The following ATXN7L1 variants were observed in gnomAD, a reference collection of about 807,000 sequenced individuals.
ATXN7L1 encodes the protein ataxin-7-like protein 1.
ATXN7L1 carries 15 observed loss-of-function variants against 70.8 expected under a neutral mutation model. That is an observed-to-expected ratio of 0.21 (90% CI 0.14 to 0.33). The LOEUF is 0.33. Among genes scored for constraint, ATXN7L1 ranks in the 10% least tolerant of loss-of-function variants. The pLI, the probability that ATXN7L1 is intolerant of heterozygous loss-of-function variation, is 1.00. For missense variants in ATXN7L1, 975 were observed against 1,097.1 expected (o/e 0.89, Z 1.57); for synonymous variants, 440 against 445.1 (o/e 0.99, Z 0.14).
chr7:105,771,028 C>T (rs527736005), intron 3 of ATXN7L1, among the ~76,000 whole-genome samples: 2 of 151,994 alleles, frequency 1.3e-5, no homozygotes, highest in South Asian at 2.1e-4. Flanking sequence ...GGTGACATCC[C>T]GTCTCTACTA....
At position 105,620,326 on chromosome 7, in the gene ATXN7L1, G is replaced by A; in HGVS notation, c.1396-5C>T. The A allele has an allele frequency of 1.3e-6, 2 of 1,532,432 alleles. No homozygotes were observed. The highest frequency in any genetic ancestry group is 1.8e-6 in the Non-Finnish European group (2 of 1,141,016). The allele number at this position is 1,532,432 out of a possible 1,614,324, so 94.9% of individuals were successfully genotyped here. A position where few individuals can be genotyped will look rare whatever the true frequency, so the allele number is the denominator to read the frequency against. On this transcript the variant is annotated splice_region_variant and splice_polypyrimidine_tract_variant and intron_variant, in intron 8 of 11. Coordinates refer to ENST00000419735, the MANE Select transcript of ATXN7L1 (RefSeq NM_020725.2). ...GCGACTCCCAAATGAGCAAAACTGT[G>A]AGGAAAAAAAAATTTTAATTTTGAT... is the stretch of plus-strand genomic sequence containing the variant.
chr7:105,735,481 G>A (rs893373540), intron 3 of ATXN7L1, among the ~76,000 whole-genome samples: 2 of 152,140 alleles, frequency 1.3e-5, no homozygotes, highest in East Asian at 1.9e-4. Context: ...AGACCTTTGC[G>A]ATGAGATCTT....
At chr7:105,760,299 T>C in intron 3 of ATXN7L1, 1 of 940,374 alleles carries the variant, frequency 1.1e-6, no homozygotes, top group Non-Finnish European at 1.3e-6. Flanking sequence ...CATATATTAT[T>C]TAATTAAATT....
At chr7:105,642,775 G>A (rs112748194) in intron 5 of ATXN7L1, 63 bp downstream of exon 5, 28,682 of 1,475,486 alleles carry the variant, frequency 0.019, 319 homozygotes, top group Non-Finnish European at 0.023. Context: ...TCACTCCTTC[G>A]TTATGGCTGC....
intron 3 of ATXN7L1, among the ~76,000 whole-genome samples, chr7:105,714,856 G>T (rs112158004): frequency 0.017 from 2,569 of 152,120 alleles, 32 homozygotes; most frequent in Middle Eastern, 0.051. Context: ...AGAGACGGGG[G>T]TTTCCACCAT....
intron 3 of ATXN7L1, among the ~76,000 whole-genome samples, chr7:105,704,591 T>C (rs79120074): frequency 5.1e-5 from 7 of 138,426 alleles, no homozygotes; most frequent in Admixed American, 2.8e-4. Flanking sequence ...TCTCTTTTTT[T>C]TTTTTTTTTT....
intron 2 of ATXN7L1, among the ~76,000 whole-genome samples, chr7:105,806,624 AAC>A (rs2116529202): frequency 6.6e-6 from 1 of 152,252 alleles, no homozygotes; most frequent in African/African-American, 2.4e-5. Flanking sequence ...CTCCCTGTGA[AAC>A]AGTGTTGTCT....
chr7:105,803,433 G>A (rs555158552), intron 2 of ATXN7L1, among the ~76,000 whole-genome samples: 2 of 152,360 alleles, frequency 1.3e-5, no homozygotes, highest in East Asian at 3.9e-4. Flanking sequence ...GACGGCTCCA[G>A]CCCTGGCTGC....
chr7:105,803,266 A>G (rs1807084922), intron 2 of ATXN7L1, among the ~76,000 whole-genome samples: 1 of 152,230 alleles, frequency 6.6e-6, no homozygotes, highest in Non-Finnish European at 1.5e-5. Flanking sequence ...GCATCCATGC[A>G]TCCACACCAC....
intron 3 of ATXN7L1, among the ~76,000 whole-genome samples, chr7:105,767,682 A>G (rs1286029547): frequency 6.6e-6 from 1 of 152,248 alleles, no homozygotes; most frequent in Non-Finnish European, 1.5e-5. Context: ...TGAGGCACAG[A>G]GAGATGAGGA....
rs554237712 is a variant in ATXN7L1, at chr7:105,743,585, C to G, written c.355+45019G>C. Among the ~76,000 whole-genome samples, 39 of 152,240 alleles carry G rather than the reference C, an allele frequency of 2.6e-4. No homozygotes were observed. The East Asian group carries it at 7.5e-3, about 29-fold the overall frequency. ...GCGACACTGAGAAAGCAGATATGAT[C>G]GCTTTAGAAGTCCGTGACTATGCTG... On this transcript the variant is annotated intron_variant, in intron 3 of 11. Coordinates refer to ENST00000419735, the MANE Select transcript of ATXN7L1 (RefSeq NM_020725.2).
chr7:105,768,717 A>G (rs1801597212), intron 3 of ATXN7L1, among the ~76,000 whole-genome samples: 1 of 152,260 alleles, frequency 6.6e-6, no homozygotes, highest in Admixed American at 6.5e-5. Context: ...TGGCCAAGCA[A>G]TGAAAGGGTA....
intron 2 of ATXN7L1, among the ~76,000 whole-genome samples, chr7:105,829,258 C>A (rs1355505997): frequency 1.4e-5 from 2 of 147,408 alleles, no homozygotes; most frequent in African/African-American, 5.0e-5. Context: ...GCCATCTCTA[C>A]TAAAAATACA....
At chr7:105,782,966 T>C (rs1460112431) in intron 3 of ATXN7L1, among the ~76,000 whole-genome samples, 2 of 152,232 alleles carry the variant, frequency 1.3e-5, no homozygotes, top group Non-Finnish European at 1.5e-5. Context: ...ACATTCAACT[T>C]AATAAAAAAT....
intron 4 of ATXN7L1, among the ~76,000 whole-genome samples, chr7:105,645,669 C>T (rs1798888785): frequency 6.6e-6 from 1 of 151,326 alleles, no homozygotes; most frequent in South Asian, 2.1e-4. Context: ...AAAAATTAGC[C>T]AGGCGTGGCA....
At chr7:105,817,708 G>T (rs1809401129) in intron 2 of ATXN7L1, among the ~76,000 whole-genome samples, 1 of 152,114 alleles carries the variant, frequency 6.6e-6, no homozygotes, top group South Asian at 2.1e-4. Context: ...TTTGAGGCTG[G>T]GAATTCGAGA....
At chr7:105,682,472 T>C (rs1805666366) in intron 3 of ATXN7L1, among the ~76,000 whole-genome samples, 2 of 152,202 alleles carry the variant, frequency 1.3e-5, no homozygotes, top group Admixed American at 1.3e-4. Context: ...CAAATCCATG[T>C]CCACAAATGT....
At chr7:105,845,865 C>G (rs76012414) in intron 2 of ATXN7L1, among the ~76,000 whole-genome samples, 1 of 152,042 alleles carries the variant, frequency 6.6e-6, no homozygotes, top group African/African-American at 2.4e-5. Context: ...AGAATTTTGG[C>G]CCCTACTTCA....
At chr7:105,804,211 G>A (rs1409668134) in intron 2 of ATXN7L1, among the ~76,000 whole-genome samples, 1 of 152,220 alleles carries the variant, frequency 6.6e-6, no homozygotes, top group Non-Finnish European at 1.5e-5. Context: ...CAAGACAGGT[G>A]ATAGCCATGC....
Sources: allele counts gnomAD v4.1 joint callset (sites outside exome capture counted in the v4.1 genomes callset), GRCh38; gene constraint gnomAD v4.1.1; transcripts MANE v1.5; gene names NCBI Gene and HGNC (gene_info 2026-07-23, HGNC 2026-07-21).